NBAS: variants seen among roughly 807,000 people sequenced by gnomAD.
NBAS encodes the protein NBAS subunit of NRZ tethering complex.
A neutral mutation model predicts 302.5 loss-of-function variants in NBAS; 219 were observed. That is an observed-to-expected ratio of 0.72 (90% confidence interval 0.65 to 0.81). The LOEUF (loss-of-function observed/expected upper bound fraction) is 0.81. NBAS is among the 30% of genes least tolerant of loss of function. The probability of loss-of-function intolerance (pLI) is 0.00; values close to 1 mark genes in which losing one functional copy is unlikely to be tolerated. For missense variants in NBAS, 2,932 were observed against 2,841.6 expected, an observed-to-expected ratio of 1.03 and a Z score of -0.72; for synonymous variants, 1,118 against 1,021.6, an observed-to-expected ratio of 1.09 and a Z score of -1.80.
At chr2:15,048,645 G>C in the NBAS span, among the ~76,000 whole-genome samples, 16 of 152,210 alleles carry the variant, frequency 1.1e-4, no homozygotes, top group Non-Finnish European at 2.1e-4. Context: ...TTGCCAGGCT[G>C]CAGCCACTGT....
intron 9 of NBAS, among the ~76,000 whole-genome samples, chr2:15,519,206 A>T (rs1662546410): frequency 6.6e-6 from 1 of 152,204 alleles, no homozygotes. Flanking sequence ...ATGCTAAGCC[A>T]CTGAAGAAAC....
intron 21 of NBAS, among the ~76,000 whole-genome samples, chr2:15,431,301 T>G (rs1201450323): frequency 6.6e-6 from 1 of 152,236 alleles, no homozygotes; most frequent in Non-Finnish European, 1.5e-5. Flanking sequence ...AAAAAAACCC[T>G]TCTTGTTGCT....
the NBAS span, among the ~76,000 whole-genome samples, chr2:14,882,197 A>G: frequency 6.6e-6 from 1 of 152,174 alleles, no homozygotes; most frequent in Admixed American, 6.5e-5. Context: ...TTTTAAATCC[A>G]AAGTTTGATT....
chr2:15,498,435 A>G (rs1572933102), intron 11 of NBAS, among the ~76,000 whole-genome samples: 1 of 152,242 alleles, frequency 6.6e-6, no homozygotes, highest in South Asian at 2.1e-4. Flanking sequence ...TCAAAAAATA[A>G]CATGCTGGCG....
chr2:15,000,418 G>T, the NBAS span, among the ~76,000 whole-genome samples: 1 of 152,170 alleles, frequency 6.6e-6, no homozygotes, highest in African/African-American at 2.4e-5. Context: ...TCTTAGAGAA[G>T]ATGGGAGCCT....
intron 22 of NBAS, 47 bp downstream of exon 22, chr2:15,427,663 AC>A: frequency 6.9e-7 from 1 of 1,455,010 alleles, no homozygotes. Context: ...CCATCAGTTC[AC>A]CCATCCCACA....
chr2:15,229,347 C>CAAAAAAAAAAAAAAAAAAAAAAAAAAA (rs61152926), intron 47 of NBAS, among the ~76,000 whole-genome samples: 2 of 76,872 alleles, frequency 2.6e-5, no homozygotes, highest in Non-Finnish European at 5.4e-5. Context: ...TCTCAAAAAA[C>CAAAAAAAAAAAAAAAAAAAAAAAAAAA]AAAAAAAAAA....
intron 21 of NBAS, among the ~76,000 whole-genome samples, chr2:15,433,892 A>AATCTG (rs1405565006): frequency 1.4e-4 from 22 of 151,984 alleles, no homozygotes; most frequent in Admixed American, 1.4e-3. Context: ...TGAGCCCAGG[A>AATCTG]GTTTGAGACC....
the NBAS span, among the ~76,000 whole-genome samples, chr2:15,129,777 C>T: frequency 3.3e-5 from 5 of 152,098 alleles, no homozygotes; most frequent in Admixed American, 2.0e-4. Flanking sequence ...CATGAGTTCT[C>T]CTCTCATCTC....
intron 40 of NBAS, among the ~76,000 whole-genome samples, chr2:15,298,360 T>C (rs1670645572): frequency 6.6e-6 from 1 of 152,196 alleles, no homozygotes; most frequent in African/African-American, 2.4e-5. Context: ...AGGAGACAAT[T>C]TCTCACAAAA....
chr2:15,504,412 C>T (rs1220890862), intron 10 of NBAS, among the ~76,000 whole-genome samples, 199 bp from the exon 11 acceptor site: 2 of 151,976 alleles, frequency 1.3e-5, no homozygotes, highest in Admixed American at 1.3e-4. Flanking sequence ...GTGGTACAAT[C>T]TTACAAAAGA....
At chr2:15,206,306 G>GT (rs889766794) in intron 48 of NBAS, among the ~76,000 whole-genome samples, 3 of 152,122 alleles carry the variant, frequency 2.0e-5, no homozygotes, top group African/African-American at 7.2e-5. Flanking sequence ...ATGTGACCTG[G>GT]TTTTTTCTGA....
At chr2:14,909,552 T>C in the NBAS span, among the ~76,000 whole-genome samples, 1 of 152,180 alleles carries the variant, frequency 6.6e-6, no homozygotes, top group Non-Finnish European at 1.5e-5. Flanking sequence ...GCTCAAATCC[T>C]TGACCTACCA....
chr2:15,299,796 T>G (rs1356950839), intron 40 of NBAS, among the ~76,000 whole-genome samples: 1 of 152,246 alleles, frequency 6.6e-6, no homozygotes. Context: ...CACAGCCTAC[T>G]TACATCTGTC....
intron 11 of NBAS, among the ~76,000 whole-genome samples, chr2:15,489,505 A>G (rs1247091800): frequency 2.0e-5 from 3 of 152,204 alleles, no homozygotes; most frequent in African/African-American, 7.2e-5. Flanking sequence ...GAGCTAGAGA[A>G]AGAGTGCAAG....
intron 21 of NBAS, among the ~76,000 whole-genome samples, chr2:15,439,449 G>GA (rs1400237722): frequency 6.6e-6 from 1 of 151,344 alleles, no homozygotes; most frequent in East Asian, 1.9e-4. Flanking sequence ...CTGCACCCCA[G>GA]AAAAAAGCTT....
chr2:15,147,933 G>A, the NBAS span, among the ~76,000 whole-genome samples: 1 of 152,142 alleles, frequency 6.6e-6, no homozygotes, highest in East Asian at 1.9e-4. Context: ...TAGGCTAAAT[G>A]TGTTTCAGAC....
chr2:15,333,365 C>T (rs969888496), intron 35 of NBAS, among the ~76,000 whole-genome samples: 3 of 151,972 alleles, frequency 2.0e-5, no homozygotes, highest in Non-Finnish European at 4.4e-5. Flanking sequence ...AGAGGTAAGC[C>T]CAGCAAGAGA....
chr2:15,553,359 T>C (rs998566262), intron 5 of NBAS, 67 bp downstream of exon 5: 29 of 1,399,748 alleles, frequency 2.1e-5, no homozygotes, highest in South Asian at 1.4e-4. Context: ...AAAATCTTAG[T>C]TTCCATTTAT....
Sources: allele counts gnomAD v4.1 joint callset (sites outside exome capture counted in the v4.1 genomes callset), GRCh38; gene constraint gnomAD v4.1.1; transcripts MANE v1.5; gene names NCBI Gene and HGNC (gene_info 2026-07-23, HGNC 2026-07-21).